CDC26: variants seen among roughly 807,000 people sequenced by gnomAD.
The protein encoded by CDC26 is cell division cycle 26.
Under a neutral mutation model 8.0 loss-of-function variants are expected in CDC26, and 2 were observed. That is an observed-to-expected ratio of 0.25 (90% CI 0.10 to 0.79). The LOEUF (loss-of-function observed/expected upper bound fraction) is 0.79, where lower values mean the gene tolerates loss of function less well. Ranked by LOEUF, CDC26 falls within the 30% of genes least tolerant of loss-of-function variation. The pLI, the probability that CDC26 is intolerant of heterozygous loss-of-function variation, is 0.70. For missense variants in CDC26, 68 were observed against 106.0 expected, an observed-to-expected ratio of 0.64 and a Z score of 1.57; for synonymous variants, 19 against 34.9, an observed-to-expected ratio of 0.55 and a Z score of 1.60.
intron 1 of CDC26, among the ~76,000 whole-genome samples, chr9:113,274,320 G>C (rs1832017472): frequency 1.3e-5 from 2 of 152,214 alleles, no homozygotes; most frequent in South Asian, 2.1e-4. Flanking sequence ...TGAAACTAAG[G>C]ACTGTGAAGT....
At chr9:113,270,462 A>T (rs758438561) in intron 3 of CDC26, among the ~76,000 whole-genome samples, 2 of 151,630 alleles carry the variant, frequency 1.3e-5, no homozygotes, top group African/African-American at 2.4e-5. Flanking sequence ...AACGTCCCTA[A>T]TGTAAATGAT....
At chr9:113,272,836 C>A (rs1041046670) in intron 2 of CDC26, among the ~76,000 whole-genome samples, 5 of 151,966 alleles carry the variant, frequency 3.3e-5, no homozygotes, top group African/African-American at 1.2e-4. Context: ...GGACTACAGG[C>A]GTACACCGCC....
chr9:113,267,746 T>C (rs1831885473), intron 3 of CDC26, among the ~76,000 whole-genome samples: 1 of 152,120 alleles, frequency 6.6e-6, no homozygotes, highest in Admixed American at 6.5e-5. Context: ...CCCAGCCCTT[T>C]GGGAGGCTGA....
At chr9:113,272,595 T>A in intron 2 of CDC26, 47 bp from the exon 3 acceptor site, 1 of 908,430 alleles carries the variant, frequency 1.1e-6, no homozygotes, top group Non-Finnish European at 1.8e-6. Flanking sequence ...TGATAAAGTC[T>A]CAGATACAAA....
intron 3 of CDC26, among the ~76,000 whole-genome samples, chr9:113,269,783 C>A (rs1256691378): frequency 6.6e-6 from 1 of 152,188 alleles, no homozygotes; most frequent in Non-Finnish European, 1.5e-5. Flanking sequence ...ACACTAAAGT[C>A]TCTTGGGATG....
chr9:113,272,689 G>T (rs80339628), intron 2 of CDC26, 141 bp from the exon 3 acceptor site: 52 of 398,884 alleles, frequency 1.3e-4, no homozygotes, highest in East Asian at 3.3e-4. Flanking sequence ...GACTTCTAAA[G>T]TCTTTTTTTT....
intron 3 of CDC26, among the ~76,000 whole-genome samples, chr9:113,268,059 T>A (rs1356270397): frequency 6.6e-6 from 1 of 152,076 alleles, no homozygotes; most frequent in Non-Finnish European, 1.5e-5. Context: ...AACAGACGAT[T>A]ATAGGGTGAT....
At chr9:113,274,869 GA>G (rs1832031616) in intron 1 of CDC26, among the ~76,000 whole-genome samples, 2 of 152,120 alleles carry the variant, frequency 1.3e-5, no homozygotes, top group South Asian at 4.1e-4. Flanking sequence ...GCCAGCTAGG[GA>G]AACGTCAATA....
At chr9:113,272,572 G>C in intron 2 of CDC26, 24 bp from the exon 3 acceptor site, 1 of 1,182,470 alleles carries the variant, frequency 8.5e-7, no homozygotes, top group Non-Finnish European at 1.3e-6. Flanking sequence ...AAGAGAGGAG[G>C]AAAATCTGAA....
At chr9:113,269,760 C>T (rs141988420) in intron 3 of CDC26, among the ~76,000 whole-genome samples, 2 of 152,146 alleles carry the variant, frequency 1.3e-5, no homozygotes, top group African/African-American at 2.4e-5. Context: ...GCAAAAATTA[C>T]GATACTTAGA....
intron 3 of CDC26, among the ~76,000 whole-genome samples, chr9:113,270,533 G>GA (rs1245054356): frequency 2.6e-5 from 4 of 152,212 alleles, no homozygotes; most frequent in Non-Finnish European, 5.9e-5. Flanking sequence ...GGTGCTTTGT[G>GA]AGAGCCTACA....
intron 2 of CDC26, among the ~76,000 whole-genome samples, chr9:113,273,064 C>A (rs1831985193): frequency 6.6e-6 from 1 of 152,124 alleles, no homozygotes; most frequent in African/African-American, 2.4e-5. Flanking sequence ...TCTATAAAAT[C>A]AAAAACTCTT....
chr9:113,267,310 G>T lies in CDC26; in HGVS notation c.211C>A (p.Pro71Thr). ...INDRIGYKPQ[P>T]KPNNRSSQFG... ...TGAGATGAACGATTATTGGGCTTGG[G>T]TTGGGGTTTATAACCAATCCGATCA... is the stretch of plus-strand genomic sequence containing the variant. The change falls in exon 4 of 4, where the codon CCC (proline) becomes ACC (threonine). Residue 71 changes from proline to threonine, a missense_variant. Transcript: ENST00000374206. 1.9e-6 allele frequency: 3 copies of T among 1,576,784 alleles called. No homozygotes were observed. The highest frequency in any genetic ancestry group is 1.7e-6 in the Non-Finnish European group (2 of 1,160,468).
chr9:113,270,142 G>A (rs1213463775), intron 3 of CDC26, among the ~76,000 whole-genome samples: 2 of 152,206 alleles, frequency 1.3e-5, no homozygotes, highest in African/African-American at 2.4e-5. Flanking sequence ...GCTGGAAGGA[G>A]TAAGAGTTAG....
Position 113,275,430 on chromosome 9 carries a change from A to G in CDC26, c.-200T>C, listed in dbSNP as rs1346171499. The G allele has an allele frequency of 9.1e-6, 3 of 328,118 alleles. No homozygotes were observed. Among genetic ancestry groups the G allele is most frequent in the Non-Finnish European group, 1.7e-5 (3 of 178,782 alleles). 20.3% of individuals were successfully genotyped at this position (328,118 alleles called of 1,614,324 possible). A position where few individuals can be genotyped will look rare whatever the true frequency, so the allele number is the denominator to read the frequency against. ...CTTCCCGGAACCTCGGCTCCCCCCCAACGAAACTACTGCTAAGCCAACTGG... is the reference window on the plus strand; with the variant it reads ...CTTCCCGGAACCTCGGCTCCCCCCCGACGAAACTACTGCTAAGCCAACTGG... On this transcript the variant is annotated 5_prime_UTR_variant, in exon 1 of 4. Coordinates refer to ENST00000374206, the MANE Select transcript of CDC26 (RefSeq NM_139286.4).
intron 3 of CDC26, 75 bp downstream of exon 3, chr9:113,272,352 G>A (rs1831972049): frequency 1.7e-6 from 2 of 1,178,502 alleles, no homozygotes; most frequent in African/African-American, 3.0e-5. Context: ...AGTGGGCCAA[G>A]ATCATGCCAC....
chr9:113,268,653 T>G (rs1831903291), intron 3 of CDC26, among the ~76,000 whole-genome samples: 1 of 152,232 alleles, frequency 6.6e-6, no homozygotes, highest in African/African-American at 2.4e-5. Context: ...CAGTGGCTCA[T>G]GCCTGTAAAT....
chr9:113,271,952 C>T (rs1386419130), intron 3 of CDC26, among the ~76,000 whole-genome samples: 2 of 152,160 alleles, frequency 1.3e-5, no homozygotes, highest in African/African-American at 4.8e-5. Flanking sequence ...ATCCTCCCGC[C>T]TCCGCCTCCT....
chr9:113,269,472 T>C (rs570046394), intron 3 of CDC26, among the ~76,000 whole-genome samples: 2 of 152,348 alleles, frequency 1.3e-5, no homozygotes, highest in Admixed American at 1.3e-4. Context: ...TTTCAGAAGC[T>C]AGAGTCACAG....
Sources: gnomAD v4.1 joint callset for allele counts (sites outside exome capture counted in the v4.1 genomes callset) on GRCh38, gnomAD v4.1.1 for gene constraint, MANE v1.5 for transcripts, NCBI Gene and HGNC (gene_info 2026-07-23, HGNC 2026-07-21) for gene names.